The following TXNL4A variants were observed in gnomAD, a reference collection of about 807,000 sequenced individuals.
TXNL4A encodes the protein thioredoxin-like protein 4A.
Under a neutral mutation model 14.6 loss-of-function variants are expected in TXNL4A, and 17 were observed. That is an observed-to-expected ratio of 1.16 (90% CI 0.80 to 1.74). The LOEUF (loss-of-function observed/expected upper bound fraction) is 1.74, where lower values mean the gene tolerates loss of function less well. TXNL4A is among the 40% of genes most tolerant of loss of function. TXNL4A has a pLI of 0.00. For missense variants in TXNL4A, 74 were observed against 195.2 expected (o/e 0.38, Z 3.70); for synonymous variants, 83 against 70.6 (o/e 1.18, Z -0.88).
intron 1 of TXNL4A, chr18:79,986,798 AAT>A (rs1349030151): frequency 1.0e-6 from 1 of 983,230 alleles, no homozygotes. Context: ...ACTCAAAGTC[AAT>A]ACAGCAGTGA....
chr18:79,973,937 C>T, intron 2 of TXNL4A, 81 bp from the exon 3 acceptor site: 1 of 1,557,362 alleles, frequency 6.4e-7, no homozygotes, highest in South Asian at 1.2e-5. Context: ...CGTATTTTTC[C>T]CACTGTGACA....
At chr18:79,987,835 G>T (rs954431271) in intron 1 of TXNL4A, among the ~76,000 whole-genome samples, 1 of 152,194 alleles carries the variant, frequency 6.6e-6, no homozygotes, top group Non-Finnish European at 1.5e-5. Context: ...GAACATGAAA[G>T]TCCTGCTTTA....
chr18:80,010,230 G>T (rs556868147), intron 1 of TXNL4A, among the ~76,000 whole-genome samples: 2 of 152,290 alleles, frequency 1.3e-5, no homozygotes, highest in East Asian at 3.9e-4. Flanking sequence ...GCAGAGAGGG[G>T]GTCCTGAATG....
At position 80,028,775 on chromosome 18, in the gene TXNL4A, T is replaced by A. The variant is rs888404962; in HGVS notation, c.-61+5076A>T. ...CTGACAGCTGCTATGCTTCTAGGGT[T>A]TGCATGACTTTGGGATGCTATGGAA... On this transcript the variant is annotated intron_variant, in intron 1 of 2. Coordinates refer to the TXNL4A transcript ENST00000585474. Among the ~76,000 whole-genome samples the A allele has an allele frequency of 4.6e-5, 7 of 152,174 alleles. No homozygotes were observed. The South Asian group carries it at 6.2e-4, about 13-fold the overall frequency.
intron 1 of TXNL4A, among the ~76,000 whole-genome samples, chr18:80,018,634 T>C (rs143608247): frequency 0.018 from 2,769 of 151,958 alleles, 81 homozygotes; most frequent in African/African-American, 0.064. Context: ...AAAGACGCAA[T>C]AAAAATGATA....
At chr18:80,028,170 AGAG>A (rs2051897328) in intron 1 of TXNL4A, among the ~76,000 whole-genome samples, 2 of 149,410 alleles carry the variant, frequency 1.3e-5, no homozygotes, top group Admixed American at 1.3e-4. Context: ...GGTGATCATC[AGAG>A]GCCTATAGGC....
In TXNL4A at chr18:79,972,696, T is replaced by A. The variant is rs897887916; in HGVS notation, c.*989A>T. 1 of 152,132 alleles carries A rather than the reference T, an allele frequency of 6.6e-6. No individual in the cohort carries two copies. Among genetic ancestry groups the A allele is most frequent in the South Asian group, 2.1e-4 (1 of 4,824 alleles). 9.4% of individuals were successfully genotyped at this position (152,132 alleles called of 1,614,324 possible). On this transcript the variant is annotated 3_prime_UTR_variant, in exon 3 of 3. Transcript: ENST00000269601. Reference sequence around the variant, plus strand: ...GCCAGGCTGGTCTCGAACACCTGACTTCGTGATCTGCCCACCTCGGCCTCC... The same window carrying A: ...GCCAGGCTGGTCTCGAACACCTGACATCGTGATCTGCCCACCTCGGCCTCC...
At chr18:79,976,307 TA>T (rs1457171149) in intron 2 of TXNL4A, among the ~76,000 whole-genome samples, 1 of 152,240 alleles carries the variant, frequency 6.6e-6, no homozygotes, top group East Asian at 1.9e-4. Flanking sequence ...CACAGTCCTC[TA>T]AAACCAGAGC....
At chr18:79,974,353 T>C (rs745924619) in intron 2 of TXNL4A, among the ~76,000 whole-genome samples, 4 of 152,264 alleles carry the variant, frequency 2.6e-5, no homozygotes, top group Non-Finnish European at 5.9e-5. Flanking sequence ...GAAATGAAGA[T>C]GACATTTTGC....
chr18:80,029,431 T>C (rs563322884), intron 1 of TXNL4A, among the ~76,000 whole-genome samples: 1 of 152,204 alleles, frequency 6.6e-6, no homozygotes, highest in South Asian at 2.1e-4. Flanking sequence ...ATGCTCTGCA[T>C]GTTTTCTCAT....
intron 1 of TXNL4A, among the ~76,000 whole-genome samples, chr18:80,000,331 G>T (rs1387906831): frequency 6.6e-6 from 1 of 152,200 alleles, no homozygotes; most frequent in Non-Finnish European, 1.5e-5. Flanking sequence ...GAAGGAACTT[G>T]TTGGGAACTA....
intron 1 of TXNL4A, among the ~76,000 whole-genome samples, chr18:79,998,137 C>CA (rs1375313822): frequency 2.0e-5 from 3 of 151,850 alleles, no homozygotes; most frequent in East Asian, 1.9e-4. Flanking sequence ...ACTAAAAATA[C>CA]AAAAAAATTA....
chr18:79,973,267 A>AC lies in TXNL4A; in HGVS notation c.*417dup, dbSNP rs935208900. 1.1e-4 allele frequency: 17 copies of AC among 157,494 alleles called. No homozygotes were observed. The highest frequency in any genetic ancestry group is 1.5e-4 in the Non-Finnish European group (11 of 72,288). The allele number at this position is 157,494 out of a possible 1,614,324, so 9.8% of individuals were successfully genotyped here. A position where few individuals can be genotyped will look rare whatever the true frequency, so the allele number is the denominator to read the frequency against. ...GATTCCCCTCACGGCCTCAGCAGTG[A>AC]CCCCCCACCCGCGACACCCTGATCT... On this transcript the variant is annotated 3_prime_UTR_variant, in exon 3 of 3. Coordinates refer to ENST00000269601, the MANE Select transcript of TXNL4A (RefSeq NM_006701.5).
rs2051476346 is a variant in TXNL4A, at chr18:79,982,296, T to C, written c.154-4595A>G. Among the ~76,000 whole-genome samples, 1 of 152,154 alleles carries C rather than the reference T, an allele frequency of 6.6e-6. No homozygotes were observed. The highest frequency in any genetic ancestry group is 1.5e-5 in the Non-Finnish European group (1 of 68,032). ...CTTTTCCACTTGGGATTCTGGGCCA[T>C]GTATTTATTTCTAAGAAAGCAGGAA... On this transcript the variant is annotated intron_variant, in intron 1 of 2. Transcript: ENST00000269601. This position sits in a 1 kb window ranked among gnomAD's most constrained non-coding sequence, Gnocchi z 4.0.
rs531859731 is a variant in TXNL4A, at chr18:80,024,606, C to T, written c.-61+9245G>A. ...GAGCACCTTGCTTCCCTCAGCCTTC[C>T]GGGGCATTCTCAGGCAACTGAGAAT... On this transcript the variant is annotated intron_variant, in intron 1 of 2. Coordinates refer to the TXNL4A transcript ENST00000585474. 7.3e-4 allele frequency among the ~76,000 whole-genome samples: 111 copies of T among 152,164 alleles called. 1 individual carries two copies. Among genetic ancestry groups the T allele is most frequent in the Non-Finnish European group, 1.2e-3 (82 of 68,030 alleles).
At chr18:80,012,226 T>C (rs2051774783) in intron 1 of TXNL4A, among the ~76,000 whole-genome samples, 1 of 152,224 alleles carries the variant, frequency 6.6e-6, no homozygotes, top group African/African-American at 2.4e-5. Context: ...GGCTACTGCA[T>C]GTCCTATTCC....
intron 1 of TXNL4A, among the ~76,000 whole-genome samples, chr18:80,017,878 A>G (rs2051822652): frequency 6.6e-6 from 1 of 151,812 alleles, no homozygotes; most frequent in East Asian, 1.9e-4. Flanking sequence ...CTGGCCTCAT[A>G]AAATGAGTTA....
intron 1 of TXNL4A, among the ~76,000 whole-genome samples, chr18:80,009,378 G>A (rs116492833): frequency 1.3e-5 from 2 of 152,038 alleles, no homozygotes; most frequent in East Asian, 1.9e-4. Flanking sequence ...TTTATCCTCC[G>A]ACTTCACACG....
chr18:79,973,935 T>C (rs965087323), intron 2 of TXNL4A, 79 bp from the exon 3 acceptor site: 4 of 1,561,426 alleles, frequency 2.6e-6, no homozygotes, highest in South Asian at 2.4e-5. Context: ...GCCGTATTTT[T>C]CCCACTGTGA....
Sources: gnomAD v4.1 joint callset for allele counts (sites outside exome capture counted in the v4.1 genomes callset) on GRCh38, gnomAD v4.1.1 for gene constraint, Gnocchi (gnomAD v3.1) non-coding constraint, MANE v1.5 for transcripts, NCBI Gene and HGNC (gene_info 2026-07-23, HGNC 2026-07-21) for gene names.